The following SLC16A2 variants were observed in gnomAD, a reference collection of about 807,000 sequenced individuals.
SLC16A2 encodes monocarboxylate transporter 8.
SLC16A2 carries 3 observed loss-of-function variants against 27.2 expected under a neutral mutation model. The ratio of observed to expected loss-of-function variants is 0.11; its 90% CI spans 0.05 to 0.28. The LOEUF (loss-of-function observed/expected upper bound fraction) is 0.28. SLC16A2 is among the 10% of genes least tolerant of loss of function. The pLI is 1.00. For synonymous variants in SLC16A2, 202 were observed against 187.8 expected (o/e 1.08, Z -0.62); for missense variants, 295 against 458.5 (o/e 0.64, Z 3.26).
chrX:74,478,625 C>T (rs1229377980), intron 1 of SLC16A2, among the ~76,000 whole-genome samples: 6 of 111,340 alleles, frequency 5.4e-5, no homozygotes, highest in African/African-American at 1.3e-4. Context: ...TGGTACCGGT[C>T]GTTCCTTTCC....
intron 1 of SLC16A2, among the ~76,000 whole-genome samples, chrX:74,427,800 T>C (rs1928431398): frequency 1.3e-5 from 1 of 75,809 alleles, no homozygotes; most frequent in Admixed American, 1.3e-4. Context: ...TGCGCACGCG[T>C]GCACGCGCGC....
chrX:74,524,326 T>A, intron 2 of SLC16A2, 33 bp from the exon 3 acceptor site: 1 of 1,198,940 alleles, frequency 8.3e-7, no homozygotes, highest in Non-Finnish European at 1.1e-6. Flanking sequence ...CTGGTCAGGC[T>A]GCTGAGGACA....
At chrX:74,440,847 G>A (rs903422695) in intron 1 of SLC16A2, among the ~76,000 whole-genome samples, 2 of 110,600 alleles carry the variant, frequency 1.8e-5, no homozygotes, top group Non-Finnish European at 3.8e-5. Context: ...AGCATGGATA[G>A]GGTAGAGTCA....
intron 1 of SLC16A2, among the ~76,000 whole-genome samples, chrX:74,512,846 T>A (rs1401491403): frequency 9.0e-6 from 1 of 111,551 alleles, no homozygotes; most frequent in Non-Finnish European, 1.9e-5. Flanking sequence ...AGTTCTGGTG[T>A]TGTGCTGCCC....
At chrX:74,432,181 C>T (rs1418455491) in intron 1 of SLC16A2, among the ~76,000 whole-genome samples, 3 of 111,261 alleles carry the variant, frequency 2.7e-5, no homozygotes, top group Non-Finnish European at 5.7e-5. Context: ...TAGGGTGTCA[C>T]TTCCTCCCGA....
intron 1 of SLC16A2, among the ~76,000 whole-genome samples, chrX:74,511,485 T>TTTG (rs1278019883): frequency 1.8e-5 from 2 of 112,464 alleles, no homozygotes; most frequent in Non-Finnish European, 3.8e-5. Flanking sequence ...CCGGCCGCGA[T>TTTG]TTGTTTAGAT....
intron 1 of SLC16A2, among the ~76,000 whole-genome samples, chrX:74,510,803 G>A (rs1394531110): frequency 9.1e-6 from 1 of 110,301 alleles, no homozygotes; most frequent in African/African-American, 3.3e-5. Context: ...TGTAATCTCA[G>A]AGCTTTGGGA....
At chrX:74,457,135 T>G (rs1379498698) in intron 1 of SLC16A2, among the ~76,000 whole-genome samples, 1 of 111,639 alleles carries the variant, frequency 9.0e-6, no homozygotes, top group Non-Finnish European at 1.9e-5. Context: ...ACTGATGTCC[T>G]GGCCCCACCC....
intron 1 of SLC16A2, among the ~76,000 whole-genome samples, chrX:74,505,209 C>T (rs1217533094): frequency 1.8e-5 from 2 of 111,555 alleles, no homozygotes; most frequent in Non-Finnish European, 3.8e-5. Context: ...ACAGAGGTCC[C>T]AGCCTTATTT....
chrX:74,525,797 G>A lies in SLC16A2; in HGVS notation c.1074G>A (p.Val358=). ...EEFSEIKETW[V]LLVCIGATSG... is the part of the protein sequence containing the mutation. ...TCTCAGAAATCAAGGAGACCTGGGT[G>A]CTCTTGGTGTGTATTGGGGCTACCT... is the stretch of plus-strand genomic sequence containing the variant. Residue 358 remains valine (V), a synonymous_variant, in exon 4 of 6, where the codon GTG becomes GTA. Coordinates refer to ENST00000587091, the MANE Select transcript of SLC16A2 (RefSeq NM_006517.5). The A allele has an allele frequency of 8.3e-7, 1 of 1,211,364 alleles. No individual in the cohort carries two copies. Among genetic ancestry groups the A allele is most frequent in the East Asian group, 3.0e-5 (1 of 33,835 alleles).
At chrX:74,441,182 C>T (rs1384240978) in intron 1 of SLC16A2, among the ~76,000 whole-genome samples, 10 of 111,064 alleles carry the variant, frequency 9.0e-5, no homozygotes, top group African/African-American at 1.3e-4. Flanking sequence ...CTCAGCCTCC[C>T]GAATAGCTGG....
intron 1 of SLC16A2, among the ~76,000 whole-genome samples, chrX:74,477,695 G>A (rs575935461): frequency 1.8e-5 from 2 of 111,585 alleles, no homozygotes; most frequent in African/African-American, 6.5e-5. Flanking sequence ...TGTTCTCATT[G>A]GTTTCCAAGA....
intron 1 of SLC16A2, among the ~76,000 whole-genome samples, chrX:74,455,082 C>A (rs764887637): frequency 2.7e-5 from 3 of 112,006 alleles, no homozygotes; most frequent in Non-Finnish European, 5.6e-5. Flanking sequence ...GTTGCATGTA[C>A]TTGTGCAAAT....
intron 1 of SLC16A2, among the ~76,000 whole-genome samples, chrX:74,490,307 C>T (rs1164112660): frequency 9.1e-6 from 1 of 109,783 alleles, no homozygotes; most frequent in Non-Finnish European, 1.9e-5. Context: ...TGGAGTGCCC[C>T]AAAGGGGGTA....
At chrX:74,515,885 C>T (rs1039768223) in intron 1 of SLC16A2, among the ~76,000 whole-genome samples, 1 of 111,610 alleles carries the variant, frequency 9.0e-6, no homozygotes, top group Non-Finnish European at 1.9e-5. Context: ...TTGTCCCCAA[C>T]AGACCTACCC....
intron 1 of SLC16A2, among the ~76,000 whole-genome samples, chrX:74,494,958 C>T (rs911838330): frequency 1.8e-5 from 2 of 111,618 alleles, no homozygotes; most frequent in African/African-American, 6.5e-5. Context: ...CCCCCACCCT[C>T]ATACTAGTCC....
In SLC16A2 at chrX:74,531,240, G is replaced by T. The variant is rs755661815; in HGVS notation, c.1400-93G>T. ...AGGCAATACACGCCAAGATTATCTGGATAGGCACTGTGATGGCCCCTAGAA... is the reference window on the plus strand; with the variant it reads ...AGGCAATACACGCCAAGATTATCTGTATAGGCACTGTGATGGCCCCTAGAA... On this transcript the variant is annotated intron_variant, in intron 5 of 5. Transcript: ENST00000587091. The T allele has an allele frequency of 1.1e-4, 81 of 718,473 alleles. No individual in the cohort carries two copies. The South Asian group carries it at 1.6e-3, about 15-fold the overall frequency. The allele number at this position is 718,473 out of a possible 1,213,427, so 59.2% of individuals were successfully genotyped here.
chrX:74,501,769 C>T (rs1398062580), intron 1 of SLC16A2, among the ~76,000 whole-genome samples: 6 of 111,205 alleles, frequency 5.4e-5, no homozygotes, highest in Admixed American at 9.6e-5. Flanking sequence ...TCCACAGGGA[C>T]GGGAGGGTAC....
chrX:74,527,776 A>T (rs1300987710), intron 4 of SLC16A2, among the ~76,000 whole-genome samples: 2 of 112,791 alleles, frequency 1.8e-5, no homozygotes, highest in African/African-American at 6.4e-5. Context: ...GGTAATACTT[A>T]GACCTGATTA....
Sources: allele counts gnomAD v4.1 joint callset (sites outside exome capture counted in the v4.1 genomes callset), GRCh38; gene constraint gnomAD v4.1.1; transcripts MANE v1.5; gene names NCBI Gene and HGNC (gene_info 2026-07-23, HGNC 2026-07-21).